SZRD1: variants seen among roughly 807,000 people sequenced by gnomAD.
SZRD1 encodes SUZ RNA binding domain containing 1.
Under a neutral mutation model 17.6 loss-of-function variants are expected in SZRD1, and 7 were observed. The observed-to-expected ratio is 0.40, with a 90% CI of 0.23 to 0.75. The LOEUF (loss-of-function observed/expected upper bound fraction) is 0.75. Among genes scored for constraint, SZRD1 ranks in the 30% least tolerant of loss-of-function variants. The pLI, the probability that SZRD1 is intolerant of heterozygous loss-of-function variation, is 0.38. For missense variants in SZRD1, 178 were observed against 201.8 expected, an observed-to-expected ratio of 0.88 and a Z score of 0.71; for synonymous variants, 77 against 77.9, an observed-to-expected ratio of 0.99 and a Z score of 0.06.
chr1:16,369,389 T>C (rs372064686), intron 1 of SZRD1: 1 of 1,017,908 alleles, frequency 9.8e-7, no homozygotes, highest in East Asian at 2.4e-5. Context: ...CCGTTCACTT[T>C]GATCCTTTCT....
intron 1 of SZRD1, among the ~76,000 whole-genome samples, chr1:16,373,975 C>T (rs2100699018): frequency 6.6e-6 from 1 of 152,224 alleles, no homozygotes; most frequent in African/African-American, 2.4e-5. Flanking sequence ...GCCATTCTCC[C>T]CAAAGTGTGA....
At chr1:16,370,225 CTTTT>C (rs557535183) in intron 1 of SZRD1, among the ~76,000 whole-genome samples, 3 of 143,382 alleles carry the variant, frequency 2.1e-5, no homozygotes, top group Non-Finnish European at 1.5e-5. Context: ...CTTTCTTTTC[CTTTT>C]TTTTTTTTTT....
chr1:16,378,888 G>A (rs770167690), intron 1 of SZRD1, among the ~76,000 whole-genome samples: 4 of 151,692 alleles, frequency 2.6e-5, no homozygotes, highest in African/African-American at 4.8e-5. Context: ...CACCACGCCC[G>A]GCTAATTTTT....
intron 1 of SZRD1, among the ~76,000 whole-genome samples, chr1:16,385,534 CCTTT>C (rs1458979043): frequency 2.0e-5 from 3 of 152,114 alleles, no homozygotes; most frequent in Non-Finnish European, 4.4e-5. Flanking sequence ...GCCTTTCTCA[CCTTT>C]CTTTTTTCCT....
chr1:16,390,116 TAC>T (rs2085198506), intron 1 of SZRD1, among the ~76,000 whole-genome samples: 1 of 152,248 alleles, frequency 6.6e-6, no homozygotes, highest in African/African-American at 2.4e-5. Flanking sequence ...GAATTTTGCA[TAC>T]AGTTTCTTCC....
intron 2 of SZRD1, among the ~76,000 whole-genome samples, chr1:16,392,516 T>G (rs1008015305): frequency 6.6e-6 from 1 of 152,228 alleles, no homozygotes; most frequent in Non-Finnish European, 1.5e-5. Flanking sequence ...AATGCTTTTC[T>G]TTTGAGCATT....
intron 1 of SZRD1, among the ~76,000 whole-genome samples, chr1:16,371,583 T>A (rs558866748): frequency 6.6e-6 from 1 of 150,710 alleles, no homozygotes; most frequent in Non-Finnish European, 1.5e-5. Context: ...TGCCTCAGCC[T>A]CCCGAGTAGC....
intron 1 of SZRD1, among the ~76,000 whole-genome samples, chr1:16,380,954 G>A (rs1213280836): frequency 6.6e-6 from 1 of 151,476 alleles, no homozygotes; most frequent in Non-Finnish European, 1.5e-5. Flanking sequence ...GGGCATAGTG[G>A]CATGTGCTTG....
At chr1:16,387,930 GT>G in intron 1 of SZRD1, 1 of 329,662 alleles carries the variant, frequency 3.0e-6, no homozygotes, top group South Asian at 2.4e-5. Flanking sequence ...CTGTGTGAGT[GT>G]CTGTGTTTGT....
At position 16,391,375 on chromosome 1, in the gene SZRD1, G is replaced by A; in HGVS notation, c.52G>A (p.Glu18Lys). 1 of 1,545,720 alleles carries A rather than the reference G, an allele frequency of 6.5e-7. No homozygotes were observed. Among genetic ancestry groups the A allele is most frequent in the Non-Finnish European group, 8.7e-7 (1 of 1,143,372 alleles). Residue 18 changes from glutamate (E) to lysine (K), a missense_variant and splice_region_variant, in exon 2 of 4, where the codon GAA (glutamate) becomes AAA (lysine). By Grantham distance (56) the Glu-to-Lys change is moderately conservative. Around this residue, in one of 3 missense-constraint regions of SZRD1, gnomAD observed 117 missense variants for 108.7 expected, o/e 1.08. Coordinates refer to ENST00000401088, the MANE Select transcript of SZRD1 (RefSeq NM_001114600.3). The surrounding 1 kb of genome is among the most constrained non-coding windows in gnomAD (Gnocchi z 4.3). Reference sequence around the variant, plus strand: ...TTTTATATACATTTTTTTCCTCTAGGAAATAGACAGACGGTTGGAAAAAAA... The same window carrying A: ...TTTTATATACATTTTTTTCCTCTAGAAAATAGACAGACGGTTGGAAAAAAA... ...ESWEEAADSGEIDRRLEKKLK... is the reference protein window; with the variant it reads ...ESWEEAADSGKIDRRLEKKLK...
chr1:16,381,619 G>A (rs950073177), intron 1 of SZRD1, among the ~76,000 whole-genome samples: 6 of 151,740 alleles, frequency 4.0e-5, no homozygotes, highest in Admixed American at 1.3e-4. Flanking sequence ...TAAAAGAAGT[G>A]CAGCAACAAG....
chr1:16,385,321 C>G (rs1425533863), intron 1 of SZRD1, among the ~76,000 whole-genome samples: 1 of 152,108 alleles, frequency 6.6e-6, no homozygotes, highest in African/African-American at 2.4e-5. Flanking sequence ...TGAGACACCC[C>G]CTCTGACCCT....
In SZRD1 at chr1:16,393,123, A is replaced by G; in HGVS notation, c.102-105A>G. ...AGAGGCCAGAGAATCATGCATGGGTAGAATTAGGGAGGGAGAGGAAAGTGA... is the reference window on the plus strand; with the variant it reads ...AGAGGCCAGAGAATCATGCATGGGTGGAATTAGGGAGGGAGAGGAAAGTGA... On this transcript the variant is annotated intron_variant, in intron 2 of 3. Transcript: ENST00000401088. The surrounding 1 kb of genome is among the most constrained non-coding windows in gnomAD (Gnocchi z 5.6). 7.0e-7 allele frequency: 1 copy of G among 1,426,122 alleles called. No homozygotes were observed. Among genetic ancestry groups the G allele is most frequent in the South Asian group, 1.3e-5 (1 of 78,002 alleles). 88.3% of individuals were successfully genotyped at this position (1,426,122 alleles called of 1,614,324 possible). A position where few individuals can be genotyped will look rare whatever the true frequency, so the allele number is the denominator to read the frequency against.
At chr1:16,390,493 G>A (rs2085204243) in intron 1 of SZRD1, 1 of 152,152 alleles carries the variant, frequency 6.6e-6, no homozygotes, top group African/African-American at 2.4e-5. Context: ...GACCTGTCAG[G>A]CTCTGGTTCT....
intron 1 of SZRD1, among the ~76,000 whole-genome samples, chr1:16,376,278 T>G (rs891072104): frequency 6.6e-6 from 1 of 152,162 alleles, no homozygotes; most frequent in African/African-American, 2.4e-5. Flanking sequence ...AGTTACTAGC[T>G]CCTTTGAAGC....
Position 16,374,662 on chromosome 1 carries a change from C to T in SZRD1, c.51+7354C>T, listed in dbSNP as rs1196786032. 2.6e-5 allele frequency among the ~76,000 whole-genome samples: 4 copies of T among 152,202 alleles called. No individual in the cohort carries two copies. The East Asian group carries it at 7.7e-4, about 29-fold the overall frequency. Reference sequence around the variant, plus strand: ...AGGGGCCAGCCCTTTCCAGTTTCCACCTCTCCACTGCTGTTGGCCCCGACA... The same window carrying T: ...AGGGGCCAGCCCTTTCCAGTTTCCATCTCTCCACTGCTGTTGGCCCCGACA... On this transcript the variant is annotated intron_variant, in intron 1 of 3. Transcript: ENST00000401088.
intron 1 of SZRD1, among the ~76,000 whole-genome samples, chr1:16,370,869 A>G (rs1489947200): frequency 6.6e-6 from 1 of 152,160 alleles, no homozygotes; most frequent in Non-Finnish European, 1.5e-5. Flanking sequence ...TTCCCTTTTC[A>G]AATTTCACAA....
At chr1:16,394,372 A>T (rs561436179) in intron 3 of SZRD1, among the ~76,000 whole-genome samples, 4 of 152,258 alleles carry the variant, frequency 2.6e-5, no homozygotes, top group African/African-American at 9.6e-5. Flanking sequence ...TCTTGATTCC[A>T]GTTCTTTACT....
chr1:16,381,554 C>CAAA (rs1196669695), intron 1 of SZRD1, among the ~76,000 whole-genome samples: 19 of 53,898 alleles, frequency 3.5e-4, no homozygotes, highest in African/African-American at 9.9e-4. Context: ...GACTTCATCT[C>CAAA]AAAAAAAAAA....
Sources: gnomAD v4.1 joint callset for allele counts (sites outside exome capture counted in the v4.1 genomes callset) on GRCh38, gnomAD v4.1.1 for gene constraint, gnomAD v4.1.1 regional missense constraint, Gnocchi (gnomAD v3.1) non-coding constraint, MANE v1.5 for transcripts, NCBI Gene and HGNC (gene_info 2026-07-23, HGNC 2026-07-21) for gene names.